Variants in NTN4 observed in about 807,000 individuals in gnomAD.
The protein encoded by NTN4 is netrin 4.
Under a neutral mutation model 73.6 loss-of-function variants are expected in NTN4, and 32 were observed. The ratio of observed to expected loss-of-function variants is 0.44; its 90% CI spans 0.33 to 0.58. The LOEUF is 0.58. NTN4 is among the 20% of genes least tolerant of loss of function. The probability of loss-of-function intolerance (pLI) is 0.04; values close to 1 mark genes in which losing one functional copy is unlikely to be tolerated. For synonymous variants in NTN4, 258 were observed against 287.5 expected, an observed-to-expected ratio of 0.90 and a Z score of 1.04; for missense variants, 654 against 798.3, an observed-to-expected ratio of 0.82 and a Z score of 2.18.
chr12:95,766,710 C>A (rs1021465860), intron 2 of NTN4, among the ~76,000 whole-genome samples: 2 of 152,224 alleles, frequency 1.3e-5, no homozygotes, highest in Non-Finnish European at 2.9e-5. Flanking sequence ...AATATCTTGA[C>A]CTGCGCATAA....
intron 2 of NTN4, among the ~76,000 whole-genome samples, chr12:95,743,275 T>G (rs1186400852): frequency 6.6e-6 from 1 of 152,178 alleles, no homozygotes; most frequent in Non-Finnish European, 1.5e-5. Context: ...ATTTTCTCTA[T>G]TGTTTTTCTG....
chr12:95,778,438 G>A (rs1011250259), intron 2 of NTN4, among the ~76,000 whole-genome samples: 2 of 152,010 alleles, frequency 1.3e-5, no homozygotes, highest in Non-Finnish European at 2.9e-5. Flanking sequence ...GAAGAAAAGA[G>A]AGAAGAATCA....
chr12:95,695,580 G>A (rs1021895826), intron 5 of NTN4, among the ~76,000 whole-genome samples: 2 of 152,096 alleles, frequency 1.3e-5, no homozygotes, highest in African/African-American at 4.8e-5. Flanking sequence ...GGCCAGGCTG[G>A]TCTTGAACTC....
intron 5 of NTN4, among the ~76,000 whole-genome samples, chr12:95,698,038 A>G (rs1565888119): frequency 6.6e-6 from 1 of 152,206 alleles, no homozygotes; most frequent in African/African-American, 2.4e-5. Context: ...AGTAACCTAG[A>G]GATGATTTAC....
At chr12:95,787,803 T>G (rs976401444) in intron 1 of NTN4, among the ~76,000 whole-genome samples, 3 of 152,194 alleles carry the variant, frequency 2.0e-5, no homozygotes, top group African/African-American at 7.2e-5. Context: ...GCCTAAAACT[T>G]TTCAAGTACT....
intron 2 of NTN4, among the ~76,000 whole-genome samples, chr12:95,747,101 T>C (rs748151568): frequency 1.8e-4 from 27 of 152,308 alleles, no homozygotes; most frequent in Non-Finnish European, 2.6e-4. Context: ...TTGGATGTTT[T>C]ATAATAAAGT....
chr12:95,790,176 C>A lies in NTN4; in HGVS notation c.55+79G>T. On this transcript the variant is annotated intron_variant, in intron 1 of 9. Transcript: ENST00000343702. This position sits in a 1 kb window ranked among gnomAD's most constrained non-coding sequence, Gnocchi z 6.5. ...GCGCTCTGCGCTCGCAGCCCTGGCT[C>A]CCCTGCACCCCCGAGTCCCGAGATG... 1.5e-6 allele frequency: 2 copies of A among 1,305,850 alleles called. No individual in the cohort carries two copies. The highest frequency in any genetic ancestry group is 2.1e-6 in the Non-Finnish European group (2 of 953,298). 80.9% of individuals were successfully genotyped at this position (1,305,850 alleles called of 1,614,324 possible).
chr12:95,722,000 T>G (rs923059605), intron 3 of NTN4, among the ~76,000 whole-genome samples: 2 of 151,818 alleles, frequency 1.3e-5, no homozygotes, highest in African/African-American at 4.8e-5. Context: ...GCCACATCTG[T>G]ATACATCTAT....
At chr12:95,717,444 C>T (rs909378189) in intron 3 of NTN4, among the ~76,000 whole-genome samples, 4 of 151,978 alleles carry the variant, frequency 2.6e-5, no homozygotes, top group Non-Finnish European at 4.4e-5. Context: ...GATGAACCTC[C>T]CGGGGTCTGA....
rs549726727 is a variant in NTN4, at chr12:95,738,032, G to A, written c.698C>T (p.Ser233Phe). The change falls in exon 3 of 10, where the codon TCT becomes TTT. Residue 233 changes from serine to phenylalanine, a missense_variant. Transcript: ENST00000343702. ...CAGGTCATTTCTCTGACAGGGACAA[G>A]ACTGTCGTTTCAGCAGCTGCACGCG... Reference protein sequence around the residue: ...NLRVQLLKRQSCPCQRNDLNE... With the variant: ...NLRVQLLKRQFCPCQRNDLNE... 5.0e-6 allele frequency: 8 copies of A among 1,614,158 alleles called. No homozygotes were observed. The South Asian group carries it at 8.8e-5, about 18-fold the overall frequency.
At chr12:95,747,533 G>C (rs1160240210) in intron 2 of NTN4, among the ~76,000 whole-genome samples, 1 of 152,014 alleles carries the variant, frequency 6.6e-6, no homozygotes, top group Non-Finnish European at 1.5e-5. Context: ...CAAACTCCTG[G>C]CCTCAAGAGA....
At chr12:95,769,387 G>T (rs1230530948) in intron 2 of NTN4, among the ~76,000 whole-genome samples, 1 of 151,992 alleles carries the variant, frequency 6.6e-6, no homozygotes, top group Non-Finnish European at 1.5e-5. Context: ...AAAATAAGTG[G>T]TCTACTGGGA....
chr12:95,710,514 C>T lies in NTN4; in HGVS notation c.1107G>A (p.Gln369=). The T allele has an allele frequency of 6.2e-7, 1 of 1,614,214 alleles. No individual in the cohort carries two copies. Among genetic ancestry groups the T allele is most frequent in the Middle Eastern group, 1.6e-4 (1 of 6,062 alleles). The change falls in exon 5 of 10, where the codon CAG becomes CAA. Residue 369 remains glutamine (Q), a synonymous_variant. Coordinates refer to ENST00000343702, the MANE Select transcript of NTN4 (RefSeq NM_021229.4). The stretch of plus-strand genomic sequence containing the variant: ...AGCCTGGCTTGCACCTCTGGCAATA[C>T]TGTCCTTCTGTGTTGTGCTGACAGT... The part of the protein sequence containing the change: ...CDDCQHNTEG[Q]YCQRCKPGFY...
chr12:95,713,236 T>C lies in NTN4; in HGVS notation c.967A>G (p.Thr323Ala). The change falls in exon 4 of 10, where the codon ACG (threonine) becomes GCG (alanine). Residue 323 changes from threonine to alanine, a missense_variant. Coordinates refer to ENST00000343702, the MANE Select transcript of NTN4 (RefSeq NM_021229.4). Reference sequence around the variant, plus strand: ...CTTCTGCACTCGTTGGGAGCCCCCGTTTTGCCATCAGCTGCCTCCCATGGC... The same window carrying C: ...CTTCTGCACTCGTTGGGAGCCCCCGCTTTGCCATCAGCTGCCTCCCATGGC... Reference protein sequence around the residue: ...DRPWEAADGKTGAPNECRTCK... With the variant: ...DRPWEAADGKAGAPNECRTCK... 6.2e-7 allele frequency: 1 copy of C among 1,613,530 alleles called. No homozygotes were observed. Among genetic ancestry groups the C allele is most frequent in the Non-Finnish European group, 8.5e-7 (1 of 1,179,536 alleles).
intron 7 of NTN4, among the ~76,000 whole-genome samples, chr12:95,674,386 A>G (rs1039606431): frequency 1.3e-5 from 2 of 152,082 alleles, no homozygotes; most frequent in African/African-American, 2.4e-5. Context: ...GCTTTCCAAT[A>G]CTTCTTTTTC....
chr12:95,699,173 G>C (rs575120952), intron 5 of NTN4, among the ~76,000 whole-genome samples: 3 of 152,106 alleles, frequency 2.0e-5, no homozygotes, highest in Non-Finnish European at 2.9e-5. Context: ...AAACAAGGAT[G>C]TCTATGTTGT....
At position 95,669,412 on chromosome 12, in the gene NTN4, A is replaced by G. The variant is rs368185969; in HGVS notation, c.1579+666T>C. ...AGAGTATACAGAGAGGGTGGGGAAGAGACCCAGGTGGACAGCTGGTCTCAG... is the reference window on the plus strand; with the variant it reads ...AGAGTATACAGAGAGGGTGGGGAAGGGACCCAGGTGGACAGCTGGTCTCAG... On this transcript the variant is annotated intron_variant, in intron 8 of 9. Transcript: ENST00000343702. Among the ~76,000 whole-genome samples the G allele has an allele frequency of 1.4e-3, 207 of 152,286 alleles. 3 individuals carry two copies. The South Asian group carries it at 0.041, about 30-fold the overall frequency.
chr12:95,780,970 T>A (rs1444013235), intron 2 of NTN4, among the ~76,000 whole-genome samples: 1 of 152,158 alleles, frequency 6.6e-6, no homozygotes, highest in Non-Finnish European at 1.5e-5. Context: ...TATGCAGCCA[T>A]AAAAATTGAT....
At chr12:95,659,418 C>T (rs2078118516) in intron 9 of NTN4, among the ~76,000 whole-genome samples, 196 bp from the exon 10 acceptor site, 1 of 152,098 alleles carries the variant, frequency 6.6e-6, no homozygotes, top group South Asian at 2.1e-4. Context: ...TCCTCAGCCT[C>T]CCAAGTACTT....
Sources: gnomAD v4.1 joint callset for allele counts (sites outside exome capture counted in the v4.1 genomes callset) on GRCh38, gnomAD v4.1.1 for gene constraint, Gnocchi (gnomAD v3.1) non-coding constraint, MANE v1.5 for transcripts, NCBI Gene and HGNC (gene_info 2026-07-23, HGNC 2026-07-21) for gene names.